Variants in PRKN observed in about 807,000 individuals in gnomAD.
PRKN encodes the protein parkin RBR E3 ubiquitin protein ligase.
A neutral mutation model predicts 59.5 loss-of-function variants in PRKN; 56 were observed. The observed-to-expected ratio is 0.94, with a 90% CI of 0.76 to 1.18. The LOEUF is 1.18. Ranked by LOEUF, PRKN falls within the 50% of genes most tolerant of loss-of-function variation. The pLI, the probability that PRKN is intolerant of heterozygous loss-of-function variation, is 0.00. For synonymous variants in PRKN, 250 were observed against 222.1 expected (o/e 1.13, Z -1.12); for missense variants, 657 against 596.4 (o/e 1.10, Z -1.06).
rs1786845288 is a variant in PRKN, at chr6:162,386,804, A to G, written c.171+56506T>C. On this transcript the variant is annotated intron_variant, in intron 2 of 11. Coordinates refer to ENST00000366898, the MANE Select transcript of PRKN (RefSeq NM_004562.3). The stretch of plus-strand genomic sequence containing the variant: ...TATTGAGATTCCAATCAAAATCTAA[A>G]ATATGATTTTATAGTTTCAAACTCA... 2.0e-5 allele frequency among the ~76,000 whole-genome samples: 3 copies of G among 152,258 alleles called. No individual in the cohort carries two copies. In the South Asian group the frequency reaches 6.2e-4, roughly 32 times the overall value.
chr6:161,495,314 G>A (rs959371547), intron 9 of PRKN, among the ~76,000 whole-genome samples: 12 of 152,148 alleles, frequency 7.9e-5, no homozygotes, highest in Admixed American at 2.6e-4. Context: ...AGTTGTTAAC[G>A]TGTCAGACAA....
At chr6:161,686,620 C>G (rs1785567293) in intron 7 of PRKN, among the ~76,000 whole-genome samples, 1 of 152,190 alleles carries the variant, frequency 6.6e-6, no homozygotes, top group African/African-American at 2.4e-5. Context: ...TCCCCAGAGT[C>G]TGTTGCCAAG....
chr6:161,655,487 C>T (rs1421461068), intron 7 of PRKN, among the ~76,000 whole-genome samples: 1 of 152,266 alleles, frequency 6.6e-6, no homozygotes. Flanking sequence ...CAGAGGCGTT[C>T]CTGGGCCCAC....
At chr6:162,683,084 C>T (rs867846478) in intron 1 of PRKN, among the ~76,000 whole-genome samples, 13 of 152,060 alleles carry the variant, frequency 8.5e-5, no homozygotes, top group African/African-American at 1.4e-4. Context: ...TTAATGAACA[C>T]GCATTATTAT....
chr6:161,773,519 C>T (rs1414251302), intron 7 of PRKN, among the ~76,000 whole-genome samples: 2 of 148,124 alleles, frequency 1.4e-5, no homozygotes, highest in African/African-American at 2.5e-5. Context: ...TCTGCACATA[C>T]ACACTACACA....
chr6:162,023,064 CT>C (rs974339522), intron 5 of PRKN, among the ~76,000 whole-genome samples: 119 of 152,138 alleles, frequency 7.8e-4, no homozygotes, highest in African/African-American at 2.5e-3. Flanking sequence ...CCTTGTCCCC[CT>C]AGCAGGGCAT....
At chr6:161,412,082 C>T (rs988998205) in intron 9 of PRKN, among the ~76,000 whole-genome samples, 1 of 149,922 alleles carries the variant, frequency 6.7e-6, no homozygotes, top group African/African-American at 2.5e-5. Flanking sequence ...TCACTCATTC[C>T]TTCCTCACTC....
chr6:161,434,386 G>A (rs1410903615), intron 9 of PRKN, among the ~76,000 whole-genome samples: 1 of 152,164 alleles, frequency 6.6e-6, no homozygotes, highest in Non-Finnish European at 1.5e-5. Flanking sequence ...GGGTGAGGGA[G>A]GGTGGCATCT....
intron 9 of PRKN, among the ~76,000 whole-genome samples, chr6:161,536,131 G>A (rs368282590): frequency 4.6e-5 from 7 of 152,012 alleles, no homozygotes; most frequent in Non-Finnish European, 8.8e-5. Flanking sequence ...ATTATTAAGA[G>A]AAATAAATGC....
At chr6:162,606,521 G>A (rs1216718751) in intron 1 of PRKN, among the ~76,000 whole-genome samples, 1 of 152,150 alleles carries the variant, frequency 6.6e-6, no homozygotes, top group Non-Finnish European at 1.5e-5. Flanking sequence ...AACTTGTTAA[G>A]TCAAACCATT....
At position 162,279,001 on chromosome 6, in the gene PRKN, C is replaced by A. The variant is rs189517544; in HGVS notation, c.172-16236G>T. Among the ~76,000 whole-genome samples the A allele has an allele frequency of 1.1e-4, 17 of 152,184 alleles. 1 individual carries two copies. The highest frequency in any genetic ancestry group is 1.0e-3 in the Admixed American group (16 of 15,274). On this transcript the variant is annotated intron_variant, in intron 2 of 11. Transcript: ENST00000366898. ...AGGTTTGAATCTCCTAAAATATCTTCATACTCAGTCACTAAATGGAAAGTA... is the reference window on the plus strand; with the variant it reads ...AGGTTTGAATCTCCTAAAATATCTTAATACTCAGTCACTAAATGGAAAGTA...
intron 6 of PRKN, among the ~76,000 whole-genome samples, chr6:161,881,954 T>C (rs1028459986): frequency 6.6e-6 from 1 of 152,116 alleles, no homozygotes; most frequent in African/African-American, 2.4e-5. Flanking sequence ...AAACTGAAAC[T>C]GCCACCACTG....
rs113391492 is a variant in PRKN, at chr6:161,401,365, C to T, written c.1084-14488G>A. 0.071 allele frequency among the ~76,000 whole-genome samples: 10,881 copies of T among 152,202 alleles called. 479 individuals are homozygous for T. Among genetic ancestry groups the T allele is most frequent in the South Asian group, 0.19 (933 of 4,814 alleles). ...GTGGCTCACATCTGTAATCCCAGCA[C>T]TTTGGGAAGCCAAGGTGGGCAGATC... On this transcript the variant is annotated intron_variant, in intron 9 of 11. Coordinates refer to ENST00000366898, the MANE Select transcript of PRKN (RefSeq NM_004562.3). The surrounding 1 kb of genome is among the most constrained non-coding windows in gnomAD (Gnocchi z 4.4).
chr6:162,200,424 G>A (rs1784677360), intron 4 of PRKN, among the ~76,000 whole-genome samples: 1 of 152,204 alleles, frequency 6.6e-6, no homozygotes, highest in Admixed American at 6.5e-5. Context: ...CAGGAAAGGA[G>A]CTGTAGGCAA....
chr6:162,708,010 C>T (rs1490222926), intron 1 of PRKN, among the ~76,000 whole-genome samples: 2 of 152,194 alleles, frequency 1.3e-5, no homozygotes, highest in African/African-American at 4.8e-5. Context: ...TCTGCCACCA[C>T]TGGATTTTCA....
chr6:161,521,388 C>T (rs1215038689), intron 9 of PRKN, among the ~76,000 whole-genome samples: 1 of 152,138 alleles, frequency 6.6e-6, no homozygotes, highest in African/African-American at 2.4e-5. Flanking sequence ...ATAGAAATCC[C>T]ATTGTGTTAA....
At chr6:161,946,414 A>ACACACACTCT (rs1247187053) in intron 6 of PRKN, among the ~76,000 whole-genome samples, 71 of 114,442 alleles carry the variant, frequency 6.2e-4, no homozygotes, top group African/African-American at 2.0e-3. Flanking sequence ...ACACACACAC[A>ACACACACTCT]CTCTCTCTCT....
intron 4 of PRKN, among the ~76,000 whole-genome samples, chr6:162,125,987 C>T (rs1392923784): frequency 6.6e-6 from 1 of 152,132 alleles, no homozygotes; most frequent in Admixed American, 6.6e-5. Flanking sequence ...GAAACAGCTT[C>T]ACCTAAAAAT....
chr6:162,184,274 G>A (rs1248042412), intron 4 of PRKN, among the ~76,000 whole-genome samples: 1 of 152,152 alleles, frequency 6.6e-6, no homozygotes, highest in Non-Finnish European at 1.5e-5. Flanking sequence ...GCAGAGTCTA[G>A]TGAAGTAAAA....
Sources: allele counts gnomAD v4.1 joint callset (sites outside exome capture counted in the v4.1 genomes callset), GRCh38; gene constraint gnomAD v4.1.1; non-coding constraint Gnocchi (gnomAD v3.1); transcripts MANE v1.5; gene names NCBI Gene and HGNC (gene_info 2026-07-23, HGNC 2026-07-21).